The following EFHD2 variants were observed in gnomAD, a reference collection of about 807,000 sequenced individuals.
EFHD2 encodes the protein EF-hand domain-containing protein D2.
A neutral mutation model predicts 20.3 loss-of-function variants in EFHD2; 12 were observed. The ratio of observed to expected loss-of-function variants is 0.59; its 90% confidence interval spans 0.38 to 0.96. EFHD2 has a LOEUF of 0.96. Among genes scored for constraint, EFHD2 ranks in the 40% least tolerant of loss-of-function variants. The pLI is 0.00. For synonymous variants in EFHD2, 131 were observed against 143.9 expected, an observed-to-expected ratio of 0.91 and a Z score of 0.64; for missense variants, 250 against 334.3, an observed-to-expected ratio of 0.75 and a Z score of 1.97.
Position 15,426,717 on chromosome 1 carries a change from A to T in EFHD2, c.457-433A>T, listed in dbSNP as rs1246707011. Among the ~76,000 whole-genome samples the T allele has an allele frequency of 6.6e-6, 1 of 152,106 alleles. No homozygotes were observed. Among genetic ancestry groups the T allele is most frequent in the Non-Finnish European group, 1.5e-5 (1 of 67,992 alleles). On this transcript the variant is annotated intron_variant, in intron 2 of 3. Transcript: ENST00000375980. This position sits in a 1 kb window ranked among gnomAD's most constrained non-coding sequence, Gnocchi z 4.6. The stretch of plus-strand genomic sequence containing the variant: ...GGGTAACAGCTTAGAGTTCGAGAGC[A>T]GGGTTCCATCCCTCTGACACGTTCA...
At chr1:15,412,978 C>T (rs1228106235) in intron 1 of EFHD2, among the ~76,000 whole-genome samples, 2 of 152,120 alleles carry the variant, frequency 1.3e-5, no homozygotes, top group African/African-American at 4.8e-5. Context: ...GCAAGTGCTG[C>T]CTGCCAGGGC....
intron 3 of EFHD2, chr1:15,427,843 C>T: frequency 2.2e-6 from 1 of 462,806 alleles, no homozygotes; most frequent in South Asian, 1.6e-5. Flanking sequence ...CAGAGACTGC[C>T]TCCCACCACC....
At chr1:15,428,561 G>A in intron 3 of EFHD2, 32 bp from the exon 4 acceptor site, 1 of 1,606,108 alleles carries the variant, frequency 6.2e-7, no homozygotes, top group Non-Finnish European at 8.5e-7. Context: ...ACACCATCCA[G>A]CCCTGACCCC....
intron 1 of EFHD2, among the ~76,000 whole-genome samples, chr1:15,425,256 G>T (rs1261178172): frequency 1.3e-5 from 2 of 152,158 alleles, no homozygotes; most frequent in Non-Finnish European, 2.9e-5. Flanking sequence ...CAGGCACGGT[G>T]GCTCATGCCT....
Position 15,426,149 on chromosome 1 carries a change from C to A in EFHD2, c.456+131C>A, listed in dbSNP as rs1187915740. On this transcript the variant is annotated intron_variant, in intron 2 of 3. Coordinates refer to ENST00000375980, the MANE Select transcript of EFHD2 (RefSeq NM_024329.6). This position sits in a 1 kb window ranked among gnomAD's most constrained non-coding sequence, Gnocchi z 4.6. Reference sequence around the variant, plus strand: ...GCCATTGAACAGCAGCTGTGAGCAGCTGCTGCTTGGCTGAGTGAGGCTTCA... The same window carrying A: ...GCCATTGAACAGCAGCTGTGAGCAGATGCTGCTTGGCTGAGTGAGGCTTCA... 16 of 1,032,498 alleles carry A rather than the reference C, an allele frequency of 1.5e-5. No individual in the cohort carries two copies. The East Asian group carries it at 4.1e-4, about 26-fold the overall frequency. 64.0% of individuals were successfully genotyped at this position (1,032,498 alleles called of 1,614,324 possible).
intron 1 of EFHD2, among the ~76,000 whole-genome samples, chr1:15,422,764 G>C (rs1351554952): frequency 6.6e-6 from 1 of 152,118 alleles, no homozygotes; most frequent in South Asian, 2.1e-4. Flanking sequence ...AGGAGGCTGA[G>C]GCAGGAGAAT....
At chr1:15,412,016 A>G (rs75541485) in intron 1 of EFHD2, among the ~76,000 whole-genome samples, 1,622 of 151,928 alleles carry the variant, frequency 0.011, 29 homozygotes, top group African/African-American at 0.037. Flanking sequence ...CTTCTGGGGG[A>G]AAATCAAGTC....
At chr1:15,427,712 C>T (rs538152257) in intron 3 of EFHD2, among the ~76,000 whole-genome samples, 3 of 152,350 alleles carry the variant, frequency 2.0e-5, no homozygotes, top group Non-Finnish European at 2.9e-5. Flanking sequence ...GACACCCTCC[C>T]CTTTCAGCAG....
At chr1:15,422,354 G>T (rs913308565) in intron 1 of EFHD2, among the ~76,000 whole-genome samples, 5 of 151,680 alleles carry the variant, frequency 3.3e-5, no homozygotes, top group African/African-American at 4.8e-5. Context: ...GCCTCCCAAA[G>T]CGCTGGGATT....
Position 15,427,243 on chromosome 1 carries a change from A to C in EFHD2, c.550A>C (p.Ser184Arg). The C allele has an allele frequency of 6.2e-7, 1 of 1,608,864 alleles. No homozygotes were observed. Among genetic ancestry groups the C allele is most frequent in the South Asian group, 1.1e-5 (1 of 89,652 alleles). Residue 184 changes from serine (S) to arginine (R), a missense_variant, in exon 3 of 4, where the codon AGT (serine) becomes CGT (arginine). Coordinates refer to ENST00000375980, the MANE Select transcript of EFHD2 (RefSeq NM_024329.6). ...CCGCCTCTCTGAGATCGACGTCTCC[A>C]GTGAGGGTGTCAAGGGGGCCAAGAG... ...LARLSEIDVSSEGVKGAKSFF... is the reference protein window; with the variant it reads ...LARLSEIDVSREGVKGAKSFF...
chr1:15,420,917 T>C (rs1333131238), intron 1 of EFHD2, among the ~76,000 whole-genome samples: 1 of 152,032 alleles, frequency 6.6e-6, no homozygotes, highest in Admixed American at 6.6e-5. Context: ...GCTGGCATTA[T>C]AGACATGAGC....
rs1310224910 is a variant in EFHD2 at position 15,426,569 on chromosome 1, G to T, written c.456+551G>T. On this transcript the variant is annotated intron_variant, in intron 2 of 3. Transcript: ENST00000375980. The surrounding 1 kb of genome is among the most constrained non-coding windows in gnomAD (Gnocchi z 4.6). ...CAGGAAGCACAGGGTTAGGTGTGGGGACTCGAGGCCCAACTGGGGCCCAGG... is the reference window on the plus strand; with the variant it reads ...CAGGAAGCACAGGGTTAGGTGTGGGTACTCGAGGCCCAACTGGGGCCCAGG... Among the ~76,000 whole-genome samples, 2 of 152,172 alleles carry T rather than the reference G, an allele frequency of 1.3e-5. No individual in the cohort carries two copies. The highest frequency in any genetic ancestry group is 4.8e-5 in the African/African-American group (2 of 41,444).
At position 15,413,570 on chromosome 1, in the gene EFHD2, TAGAC is replaced by T. The variant is rs1250230702; in HGVS notation, c.308+3296_308+3299del. 6.6e-6 allele frequency among the ~76,000 whole-genome samples: 1 copy of T among 152,032 alleles called. No homozygotes were observed. Among genetic ancestry groups the T allele is most frequent in the Non-Finnish European group, 1.5e-5 (1 of 67,994 alleles). ...GGGGAAGAGAGGGGATGGGGGAAGA[TAGAC>T]AGACTGTCAGCCATCACTGGTCTCA... On this transcript the variant is annotated intron_variant, in intron 1 of 3. Transcript: ENST00000375980. This position sits in a 1 kb window ranked among gnomAD's most constrained non-coding sequence, Gnocchi z 4.4.
At position 15,424,873 on chromosome 1, in the gene EFHD2, C is replaced by T. The variant is rs1465651590; in HGVS notation, c.309-998C>T. ...AGTCATTTATCACATGGAAAGAGGC[C>T]GCCTTCCACACCCACGTCACATCCC... On this transcript the variant is annotated intron_variant, in intron 1 of 3. Coordinates refer to ENST00000375980, the MANE Select transcript of EFHD2 (RefSeq NM_024329.6). Among the ~76,000 whole-genome samples the T allele has an allele frequency of 3.9e-5, 6 of 152,118 alleles. 1 individual carries two copies. In the South Asian group the frequency reaches 6.2e-4, roughly 16 times the overall value.
chr1:15,418,532 C>T (rs534166963), intron 1 of EFHD2, among the ~76,000 whole-genome samples: 2 of 150,170 alleles, frequency 1.3e-5, no homozygotes, highest in Middle Eastern at 3.5e-3. Flanking sequence ...GTCTCAATCT[C>T]CTGACCTTGT....
In EFHD2 at chr1:15,426,280, T is replaced by G. The variant is rs191060498; in HGVS notation, c.456+262T>G. Among the ~76,000 whole-genome samples, 1 of 152,132 alleles carries G rather than the reference T, an allele frequency of 6.6e-6. No homozygotes were observed. Among genetic ancestry groups the G allele is most frequent in the Non-Finnish European group, 1.5e-5 (1 of 67,988 alleles). On this transcript the variant is annotated intron_variant, in intron 2 of 3. Coordinates refer to ENST00000375980, the MANE Select transcript of EFHD2 (RefSeq NM_024329.6). This position sits in a 1 kb window ranked among gnomAD's most constrained non-coding sequence, Gnocchi z 4.6. ...CACATAGGGAGCATATATTGAGCGA[T>G]TTCTGTATACTTGACCCTGTGCAGG...
chr1:15,427,432 C>T lies in EFHD2; in HGVS notation c.591+148C>T, dbSNP rs192425993. 416 of 1,404,068 alleles carry T rather than the reference C, an allele frequency of 3.0e-4. 1 individual carries two copies. In the African/African-American group the frequency reaches 4.5e-3, roughly 15 times the overall value. The allele number at this position is 1,404,068 out of a possible 1,614,324, so 87.0% of individuals were successfully genotyped here. ...CCTGCCAGGCTGGGCCAGGCCCACA[C>T]GCTCTGTCTTCTGTCTTCTCCCACT... On this transcript the variant is annotated intron_variant, in intron 3 of 3. Transcript: ENST00000375980.
At position 15,426,084 on chromosome 1, in the gene EFHD2, G is replaced by C. The variant is rs951168827; in HGVS notation, c.456+66G>C. On this transcript the variant is annotated intron_variant, in intron 2 of 3. Coordinates refer to ENST00000375980, the MANE Select transcript of EFHD2 (RefSeq NM_024329.6). This position sits in a 1 kb window ranked among gnomAD's most constrained non-coding sequence, Gnocchi z 4.6. ...CACCTGAGGACCTGGTGGCCCGGGA[G>C]AGACCAACCCCCACCCTTTGTCAAT... The C allele has an allele frequency of 2.7e-6, 4 of 1,472,528 alleles. No homozygotes were observed. Among genetic ancestry groups the C allele is most frequent in the Non-Finnish European group, 2.7e-6 (3 of 1,106,132 alleles). 91.2% of individuals were successfully genotyped at this position (1,472,528 alleles called of 1,614,324 possible).
chr1:15,413,851 G>A lies in EFHD2; in HGVS notation c.308+3572G>A, dbSNP rs561078904. Among the ~76,000 whole-genome samples the A allele has an allele frequency of 2.4e-4, 37 of 152,280 alleles. No homozygotes were observed. The highest frequency in any genetic ancestry group is 8.4e-4 in the African/African-American group (35 of 41,546). On this transcript the variant is annotated intron_variant, in intron 1 of 3. Transcript: ENST00000375980. This position sits in a 1 kb window ranked among gnomAD's most constrained non-coding sequence, Gnocchi z 4.4. ...AGTGCCAGGCACAAGGAGGCTCTGC[G>A]TCTCCCTGGCCCTCGCAGCCAGGAC... is the stretch of plus-strand genomic sequence containing the variant.
Sources: gnomAD v4.1 joint callset for allele counts (sites outside exome capture counted in the v4.1 genomes callset) on GRCh38, gnomAD v4.1.1 for gene constraint, Gnocchi (gnomAD v3.1) non-coding constraint, MANE v1.5 for transcripts, NCBI Gene and HGNC (gene_info 2026-07-23, HGNC 2026-07-21) for gene names.